Variants in PTPRT observed in about 807,000 individuals in gnomAD.
PTPRT encodes the protein protein tyrosine phosphatase receptor type T, also known as receptor-type tyrosine-protein phosphatase T.
A neutral mutation model predicts 176.8 loss-of-function variants in PTPRT; 56 were observed. The ratio of observed to expected loss-of-function variants is 0.32; its 90% confidence interval spans 0.26 to 0.40. PTPRT has a LOEUF of 0.40. PTPRT is among the 10% of genes least tolerant of loss of function. The pLI, the probability that PTPRT is intolerant of heterozygous loss-of-function variation, is 1.00. For synonymous variants in PTPRT, 783 were observed against 739.0 expected, an observed-to-expected ratio of 1.06 and a Z score of -0.96; for missense variants, 1,540 against 1,908.2, an observed-to-expected ratio of 0.81 and a Z score of 3.60.
intron 5 of PTPRT, among the ~76,000 whole-genome samples, chr20:42,770,495 G>C (rs1346150554): frequency 6.6e-6 from 1 of 152,166 alleles, no homozygotes; most frequent in Non-Finnish European, 1.5e-5. Context: ...CACTCAAAGA[G>C]ATCCTTTCTC....
chr20:42,373,090 C>T (rs2058608011), intron 9 of PTPRT, among the ~76,000 whole-genome samples: 1 of 152,196 alleles, frequency 6.6e-6, no homozygotes, highest in African/African-American at 2.4e-5. Flanking sequence ...TTGCTGAGTA[C>T]CTACTGTGTG....
chr20:42,258,982 T>C (rs2056697820), intron 13 of PTPRT, among the ~76,000 whole-genome samples: 1 of 152,234 alleles, frequency 6.6e-6, no homozygotes, highest in Non-Finnish European at 1.5e-5. Context: ...ATTGACTTCA[T>C]CACAGCCTAT....
chr20:43,075,826 A>C (rs1028769319), intron 1 of PTPRT, among the ~76,000 whole-genome samples: 10 of 152,258 alleles, frequency 6.6e-5, no homozygotes. Context: ...ACAGGTGTGC[A>C]CACAGTTAGA....
In PTPRT at chr20:42,080,729, C is replaced by G. The variant is rs544167826; in HGVS notation, c.*150G>C. 1 of 684,982 alleles carries G rather than the reference C, an allele frequency of 1.5e-6. No individual in the cohort carries two copies. The highest frequency in any genetic ancestry group is 2.7e-5 in the East Asian group (1 of 37,200). The allele number at this position is 684,982 out of a possible 1,614,324, so 42.4% of individuals were successfully genotyped here. A position where few individuals can be genotyped will look rare whatever the true frequency, so the allele number is the denominator to read the frequency against. On this transcript the variant is annotated 3_prime_UTR_variant, in exon 31 of 31. Coordinates refer to ENST00000373187, the MANE Select transcript of PTPRT (RefSeq NM_007050.6). ...AGGAGACCCCTCAGAAGGTGCAGAG[C>G]CCCCCGTGGAACACAGGGCCACCAG...
chr20:42,462,900 C>G (rs1000179055), intron 8 of PTPRT, among the ~76,000 whole-genome samples: 5 of 152,122 alleles, frequency 3.3e-5, no homozygotes, highest in Non-Finnish European at 7.4e-5. Context: ...GTACAGAATG[C>G]GAGTCCTTAA....
At chr20:42,499,747 A>G (rs13040376) in intron 7 of PTPRT, among the ~76,000 whole-genome samples, 1 of 152,150 alleles carries the variant, frequency 6.6e-6, no homozygotes, top group Non-Finnish European at 1.5e-5. Context: ...ATCATTGCAC[A>G]CCTCCAACAA....
chr20:42,157,349 C>CTTT (rs11480507), intron 17 of PTPRT, among the ~76,000 whole-genome samples: 1 of 142,488 alleles, frequency 7.0e-6, no homozygotes. Flanking sequence ...TTTTCTTTTT[C>CTTT]TTTTTTTTTT....
intron 9 of PTPRT, among the ~76,000 whole-genome samples, chr20:42,441,790 G>A (rs2145834577): frequency 6.6e-6 from 1 of 152,322 alleles, no homozygotes; most frequent in Admixed American, 6.5e-5. Context: ...TTTCTGGCTT[G>A]AACAATTTAG....
intron 2 of PTPRT, among the ~76,000 whole-genome samples, chr20:42,843,342 T>C (rs1041872831): frequency 7.2e-5 from 11 of 152,176 alleles, no homozygotes; most frequent in African/African-American, 2.7e-4. Flanking sequence ...TGCAGTTCCC[T>C]TGGGGAATTT....
intron 13 of PTPRT, among the ~76,000 whole-genome samples, chr20:42,276,544 TA>T (rs1568731818): frequency 9.2e-5 from 6 of 65,568 alleles, no homozygotes; most frequent in Admixed American, 3.2e-4. Context: ...TATATATATA[TA>T]TATATATATA....
In PTPRT at chr20:42,386,839, G is replaced by A. The variant is rs578052521; in HGVS notation, c.1561-34554C>T. ...TGTGCCACTGCATTCCAGCCTGGGC[G>A]ACAGAGTGAGACTCCGTCTCAAACA... On this transcript the variant is annotated intron_variant, in intron 9 of 30. Coordinates refer to ENST00000373187, the MANE Select transcript of PTPRT (RefSeq NM_007050.6). 8.5e-5 allele frequency among the ~76,000 whole-genome samples: 13 copies of A among 152,210 alleles called. No homozygotes were observed. The East Asian group carries it at 9.7e-4, about 11-fold the overall frequency.
In PTPRT at chr20:42,223,872, A is replaced by G. The variant is rs529808728; in HGVS notation, c.2342+12357T>C. Among the ~76,000 whole-genome samples, 3 of 152,286 alleles carry G rather than the reference A, an allele frequency of 2.0e-5. No individual in the cohort carries two copies. The South Asian group carries it at 6.2e-4, about 32-fold the overall frequency. Reference sequence around the variant, plus strand: ...TCCATTGTTGCTAAGCTGTTTTCCCAAACAGAATAAGCCTTCTTTAGTCTC... The same window carrying G: ...TCCATTGTTGCTAAGCTGTTTTCCCGAACAGAATAAGCCTTCTTTAGTCTC... On this transcript the variant is annotated intron_variant, in intron 15 of 30. Coordinates refer to ENST00000373187, the MANE Select transcript of PTPRT (RefSeq NM_007050.6).
intron 1 of PTPRT, among the ~76,000 whole-genome samples, chr20:43,017,642 A>C (rs924203424): frequency 6.6e-6 from 1 of 152,204 alleles, no homozygotes; most frequent in Non-Finnish European, 1.5e-5. Flanking sequence ...ACAAGGAAGG[A>C]CAGACGAGCT....
chr20:43,033,124 G>A (rs925973110), intron 1 of PTPRT, among the ~76,000 whole-genome samples: 18 of 152,106 alleles, frequency 1.2e-4, no homozygotes, highest in Admixed American at 5.2e-4. Context: ...CATCTTTTAC[G>A]TTGTATCCAA....
At chr20:42,661,148 C>T (rs192448446) in intron 7 of PTPRT, among the ~76,000 whole-genome samples, 9 of 152,120 alleles carry the variant, frequency 5.9e-5, no homozygotes, top group Admixed American at 2.6e-4. Flanking sequence ...CGCACCCAGC[C>T]GTAAACAGTG....
intron 2 of PTPRT, among the ~76,000 whole-genome samples, chr20:42,838,062 T>C (rs975178480): frequency 3.3e-5 from 5 of 152,206 alleles, no homozygotes; most frequent in African/African-American, 1.2e-4. Context: ...GTTTCGCTCT[T>C]GTTGAACAGG....
Position 42,160,968 on chromosome 20 carries a change from T to C in PTPRT, c.2682+384A>G, listed in dbSNP as rs372588156. On this transcript the variant is annotated intron_variant, in intron 17 of 30. Coordinates refer to ENST00000373187, the MANE Select transcript of PTPRT (RefSeq NM_007050.6). ...ATTGGCAGGGGAGATGTGCTGGCTT[T>C]TCTACAGCATGTGGGATGGGAGCTT... 7.9e-5 allele frequency among the ~76,000 whole-genome samples: 12 copies of C among 152,128 alleles called. No homozygotes were observed. The East Asian group carries it at 9.6e-4, about 12-fold the overall frequency.
At chr20:43,163,650 A>G (rs1320457101) in intron 1 of PTPRT, among the ~76,000 whole-genome samples, 1 of 147,728 alleles carries the variant, frequency 6.8e-6, no homozygotes, top group Non-Finnish European at 1.5e-5. Flanking sequence ...AAACAAAACA[A>G]AACAAAAAAA....
In PTPRT at chr20:42,974,568, C is replaced by G. The variant is rs144895827; in HGVS notation, c.89-88636G>C. ...CTTTCACTCTACACTGACTCACAGTCGTGAGAACACATTTCCTTTTCCTCT... is the reference window on the plus strand; with the variant it reads ...CTTTCACTCTACACTGACTCACAGTGGTGAGAACACATTTCCTTTTCCTCT... On this transcript the variant is annotated intron_variant, in intron 1 of 30. Transcript: ENST00000373187. 5.0e-4 allele frequency among the ~76,000 whole-genome samples: 76 copies of G among 152,240 alleles called. 1 individual carries two copies. The highest frequency in any genetic ancestry group is 1.8e-3 in the African/African-American group (73 of 41,558).
Sources: allele counts gnomAD v4.1 joint callset (sites outside exome capture counted in the v4.1 genomes callset), GRCh38; gene constraint gnomAD v4.1.1; transcripts MANE v1.5; gene names NCBI Gene and HGNC (gene_info 2026-07-23, HGNC 2026-07-21).